RAPGEF4: variants seen among roughly 807,000 people sequenced by gnomAD.
The protein encoded by RAPGEF4 is Rap guanine nucleotide exchange factor 4.
RAPGEF4 carries 66 observed loss-of-function variants against 147.9 expected under a neutral mutation model. The observed-to-expected ratio is 0.45, with a 90% CI of 0.37 to 0.55. RAPGEF4 has a LOEUF of 0.55. Ranked by LOEUF, RAPGEF4 falls within the 20% of genes least tolerant of loss-of-function variation. The probability of loss-of-function intolerance (pLI) is 0.00; values close to 1 mark genes in which losing one functional copy is unlikely to be tolerated. For missense variants in RAPGEF4, 1,071 were observed against 1,257.3 expected (o/e 0.85, Z 2.24); for synonymous variants, 419 against 442.7 (o/e 0.95, Z 0.67).
At chr2:172,841,913 A>G (rs544994646) in intron 4 of RAPGEF4, among the ~76,000 whole-genome samples, 78 of 152,240 alleles carry the variant, frequency 5.1e-4, no homozygotes, top group African/African-American at 1.7e-3. Context: ...TGAATTTCCT[A>G]CAACTACCTT....
intron 1 of RAPGEF4, among the ~76,000 whole-genome samples, chr2:172,763,225 T>A (rs1238921864): frequency 6.6e-6 from 1 of 152,218 alleles, no homozygotes; most frequent in African/African-American, 2.4e-5. Flanking sequence ...ACAGCCACTT[T>A]CCTTGTCTTG....
intron 30 of RAPGEF4, 62 bp downstream of exon 30, chr2:173,048,716 G>A: frequency 6.2e-7 from 1 of 1,611,312 alleles, no homozygotes; most frequent in Non-Finnish European, 8.5e-7. Context: ...TTCTTAATGA[G>A]GCCATTGAGA....
chr2:173,023,574 C>T lies in RAPGEF4; in HGVS notation c.2253+2859C>T, dbSNP rs112636259. On this transcript the variant is annotated intron_variant, in intron 23 of 30. Coordinates refer to ENST00000397081, the MANE Select transcript of RAPGEF4 (RefSeq NM_007023.4). ...TGGAAGGGGTCAACCTGCCCTACGC[C>T]GGGAGAGAGACTTGGTGAGCCCTGC... Among the ~76,000 whole-genome samples the T allele has an allele frequency of 1.1e-3, 171 of 152,208 alleles. 1 individual carries two copies. Among genetic ancestry groups the T allele is most frequent in the African/African-American group, 3.9e-3 (163 of 41,534 alleles).
At chr2:172,814,524 G>T in intron 4 of RAPGEF4, 99 bp downstream of exon 4, 2 of 1,394,800 alleles carry the variant, frequency 1.4e-6, no homozygotes, top group Non-Finnish European at 2.0e-6. Flanking sequence ...AATGTGTTCT[G>T]TTCTGAGCTG....
chr2:172,833,376 A>T (rs1574982508), intron 4 of RAPGEF4, among the ~76,000 whole-genome samples: 1 of 152,138 alleles, frequency 6.6e-6, no homozygotes, highest in Admixed American at 6.5e-5. Flanking sequence ...GTTATACAAA[A>T]CTTAAAATTT....
At chr2:172,940,751 A>T (rs998100027) in intron 6 of RAPGEF4, among the ~76,000 whole-genome samples, 1 of 152,190 alleles carries the variant, frequency 6.6e-6, no homozygotes, top group Non-Finnish European at 1.5e-5. Context: ...GTTTGTCTAT[A>T]TATCTACAGA....
intron 6 of RAPGEF4, among the ~76,000 whole-genome samples, chr2:172,951,203 T>C (rs1285824690): frequency 6.6e-6 from 1 of 152,212 alleles, no homozygotes; most frequent in East Asian, 1.9e-4. Flanking sequence ...TTCTACTCAA[T>C]TGCAACTCAT....
At chr2:172,818,469 C>T (rs1349847096) in intron 4 of RAPGEF4, among the ~76,000 whole-genome samples, 1 of 152,138 alleles carries the variant, frequency 6.6e-6, no homozygotes, top group Non-Finnish European at 1.5e-5. Context: ...TGACAGGTTC[C>T]AAATAGTAAA....
intron 4 of RAPGEF4, among the ~76,000 whole-genome samples, chr2:172,896,117 C>T (rs1369528782): frequency 6.6e-6 from 1 of 152,176 alleles, no homozygotes; most frequent in Admixed American, 6.5e-5. Context: ...TGCCGAACTT[C>T]ACACACATTT....
At chr2:172,925,966 G>T (rs1298948484) in intron 6 of RAPGEF4, among the ~76,000 whole-genome samples, 1 of 122,324 alleles carries the variant, frequency 8.2e-6, no homozygotes, top group Non-Finnish European at 1.7e-5. Flanking sequence ...GAGGGGGAGG[G>T]GGGACAGAGG....
intron 17 of RAPGEF4, among the ~76,000 whole-genome samples, chr2:173,005,324 C>A (rs1694321996): frequency 6.6e-6 from 1 of 152,040 alleles, no homozygotes; most frequent in African/African-American, 2.4e-5. Context: ...CTGCCATATT[C>A]TTGTTTGTAC....
At chr2:172,850,252 G>GA (rs966087367) in intron 4 of RAPGEF4, among the ~76,000 whole-genome samples, 3 of 151,742 alleles carry the variant, frequency 2.0e-5, no homozygotes, top group Admixed American at 6.6e-5. Context: ...ATTTGACTCA[G>GA]AAAAAAAATC....
chr2:172,875,429 G>T (rs564817437), intron 4 of RAPGEF4, among the ~76,000 whole-genome samples: 5 of 152,070 alleles, frequency 3.3e-5, no homozygotes, highest in Non-Finnish European at 5.9e-5. Flanking sequence ...TTTGTGTAAG[G>T]TGTAAGGAAG....
rs377074360 is a variant in RAPGEF4, at chr2:172,918,371, CCACACACACACA to C, written c.517+526_517+537del. On this transcript the variant is annotated intron_variant, in intron 5 of 30. Coordinates refer to ENST00000397081, the MANE Select transcript of RAPGEF4 (RefSeq NM_007023.4). ...CCTTTGTGAACTTTAGATGCTCTTA[CCACACACACACA>C]CACACACACACACACACACACACAC... 3.2e-3 allele frequency among the ~76,000 whole-genome samples: 439 copies of C among 137,700 alleles called. 5 individuals carry two copies. Among genetic ancestry groups the C allele is most frequent in the African/African-American group, 0.011 (409 of 35,878 alleles). The allele number at this position is 137,700 out of a possible 152,430, so 90.3% of individuals were successfully genotyped here. A position where few individuals can be genotyped will look rare whatever the true frequency, so the allele number is the denominator to read the frequency against.
intron 10 of RAPGEF4, among the ~76,000 whole-genome samples, chr2:172,982,235 A>G (rs1354205549): frequency 2.0e-5 from 3 of 152,254 alleles, no homozygotes; most frequent in Non-Finnish European, 2.9e-5. Flanking sequence ...GTACATCATC[A>G]GTAGCTCATC....
At chr2:172,885,523 A>G (rs547008744) in intron 4 of RAPGEF4, among the ~76,000 whole-genome samples, 6 of 152,328 alleles carry the variant, frequency 3.9e-5, no homozygotes, top group African/African-American at 1.4e-4. Context: ...TTGGACTTAC[A>G]GTTCCACGTG....
At chr2:172,842,220 T>C (rs1691693447) in intron 4 of RAPGEF4, among the ~76,000 whole-genome samples, 1 of 152,160 alleles carries the variant, frequency 6.6e-6, no homozygotes, top group South Asian at 2.1e-4. Flanking sequence ...GGCAGGTCTT[T>C]ATTGAGTGCT....
At chr2:172,941,416 T>C (rs1333586593) in intron 6 of RAPGEF4, among the ~76,000 whole-genome samples, 2 of 152,214 alleles carry the variant, frequency 1.3e-5, no homozygotes, top group Admixed American at 6.5e-5. Flanking sequence ...TGATTGTTTC[T>C]AATTTGACTA....
intron 4 of RAPGEF4, among the ~76,000 whole-genome samples, chr2:172,868,014 C>T (rs1166311288): frequency 1.3e-5 from 2 of 152,176 alleles, no homozygotes; most frequent in Non-Finnish European, 2.9e-5. Flanking sequence ...AAATTCAAAT[C>T]ATGTCGTAGT....
Sources: gnomAD v4.1 joint callset for allele counts (sites outside exome capture counted in the v4.1 genomes callset) on GRCh38, gnomAD v4.1.1 for gene constraint, MANE v1.5 for transcripts, NCBI Gene and HGNC (gene_info 2026-07-23, HGNC 2026-07-21) for gene names.